ARHGAP24: variants seen among roughly 807,000 people sequenced by gnomAD.
ARHGAP24 encodes rho GTPase-activating protein 24.
A neutral mutation model predicts 76.4 loss-of-function variants in ARHGAP24; 50 were observed. That is an observed-to-expected ratio of 0.65 (90% CI 0.52 to 0.83). The LOEUF is 0.83. Ranked by LOEUF, ARHGAP24 falls within the 40% of genes least tolerant of loss-of-function variation. The pLI is 0.00. For synonymous variants in ARHGAP24, 345 were observed against 323.3 expected (o/e 1.07, Z -0.72); for missense variants, 930 against 914.2 (o/e 1.02, Z -0.22).
chr4:85,849,868 T>A (rs1201792252), intron 3 of ARHGAP24, among the ~76,000 whole-genome samples: 1 of 152,162 alleles, frequency 6.6e-6, no homozygotes, highest in Non-Finnish European at 1.5e-5. Flanking sequence ...TATGGAGGAT[T>A]TTTGCATCGA....
rs138056154 is a variant in ARHGAP24 at position 85,822,024 on chromosome 4, T to C, written c.268+100052T>C. Among the ~76,000 whole-genome samples the C allele has an allele frequency of 9.5e-3, 1,445 of 152,332 alleles. 27 individuals are homozygous for C. Among genetic ancestry groups the C allele is most frequent in the African/African-American group, 0.033 (1,353 of 41,586 alleles). On this transcript the variant is annotated intron_variant, in intron 3 of 9. Coordinates refer to ENST00000395184, the MANE Select transcript of ARHGAP24 (RefSeq NM_001025616.3). ...CTAGCTCAATAGTATCTGAGGAGCA[T>C]AGTGAACTTACAATTTCATTTGTGT... is the stretch of plus-strand genomic sequence containing the variant.
intron 3 of ARHGAP24, among the ~76,000 whole-genome samples, chr4:85,724,533 A>T (rs1725094712): frequency 7.5e-6 from 1 of 132,808 alleles, no homozygotes. Flanking sequence ...ATATATAGGA[A>T]TTTTTATTTT....
intron 2 of ARHGAP24, among the ~76,000 whole-genome samples, chr4:85,598,890 A>G (rs917730775): frequency 2.6e-5 from 4 of 151,634 alleles, no homozygotes; most frequent in Non-Finnish European, 5.9e-5. Context: ...CTAATTAAGA[A>G]TAAAATAGTT....
At chr4:85,613,400 T>C (rs1034570607) in intron 2 of ARHGAP24, among the ~76,000 whole-genome samples, 3 of 152,212 alleles carry the variant, frequency 2.0e-5, no homozygotes, top group Non-Finnish European at 4.4e-5. Flanking sequence ...ATTAAATGCC[T>C]ATTAGGTGTC....
intron 2 of ARHGAP24, among the ~76,000 whole-genome samples, chr4:85,579,627 A>G (rs1208863969): frequency 3.3e-5 from 5 of 151,926 alleles, no homozygotes. Context: ...TATCAATTAT[A>G]AACTATGAAA....
rs183382828 is a variant in ARHGAP24 at position 85,969,662 on chromosome 4, T to C, written c.600-2374T>C. Among the ~76,000 whole-genome samples, 329 of 152,232 alleles carry C rather than the reference T, an allele frequency of 2.2e-3. 2 individuals carry two copies. Among genetic ancestry groups the C allele is most frequent in the African/African-American group, 7.6e-3 (315 of 41,550 alleles). On this transcript the variant is annotated intron_variant, in intron 5 of 9. Transcript: ENST00000395184. ...CAAGCTGTGGTTTTTTTACTACTAATGACTGTCCCTTCATGGGGCAGATAT... is the reference window on the plus strand; with the variant it reads ...CAAGCTGTGGTTTTTTTACTACTAACGACTGTCCCTTCATGGGGCAGATAT...
At chr4:85,561,485 G>A (rs12500479) in intron 1 of ARHGAP24, among the ~76,000 whole-genome samples, 38,791 of 152,062 alleles carry the variant, frequency 0.26, 6,377 homozygotes, top group East Asian at 0.79. Flanking sequence ...GGGACAGAAA[G>A]TGAACTGAGA....
intron 2 of ARHGAP24, among the ~76,000 whole-genome samples, chr4:85,658,894 A>G (rs1192227150): frequency 1.3e-5 from 2 of 152,202 alleles, no homozygotes; most frequent in Non-Finnish European, 2.9e-5. Flanking sequence ...TGAGAGCAGC[A>G]GAGGTATAAG....
At chr4:85,657,691 A>G (rs1471606) in intron 2 of ARHGAP24, among the ~76,000 whole-genome samples, 54,650 of 152,104 alleles carry the variant, frequency 0.36, 10,861 homozygotes, top group East Asian at 0.84. Flanking sequence ...GTTTGGCAAA[A>G]TGCAAACATT....
At chr4:85,983,113 T>C (rs1257916719) in intron 8 of ARHGAP24, among the ~76,000 whole-genome samples, 4 of 152,222 alleles carry the variant, frequency 2.6e-5, no homozygotes, top group Non-Finnish European at 4.4e-5. Context: ...TTCCTTTTTA[T>C]GGCATGGCTG....
intron 3 of ARHGAP24, among the ~76,000 whole-genome samples, chr4:85,753,195 A>C (rs1203622557): frequency 1.3e-5 from 2 of 152,224 alleles, no homozygotes; most frequent in Non-Finnish European, 2.9e-5. Context: ...TTCGAGAATG[A>C]AAAATACAGA....
chr4:85,797,037 C>A (rs1373462728), intron 3 of ARHGAP24, among the ~76,000 whole-genome samples: 1 of 152,058 alleles, frequency 6.6e-6, no homozygotes, highest in African/African-American at 2.4e-5. Flanking sequence ...CAGGAGCCTG[C>A]GGAGCCAGCA....
chr4:85,859,597 T>C (rs1167011448), intron 3 of ARHGAP24, among the ~76,000 whole-genome samples: 2 of 152,118 alleles, frequency 1.3e-5, no homozygotes, highest in Admixed American at 1.3e-4. Context: ...TAATGTGATA[T>C]TTAGGTCTGA....
chr4:85,538,630 A>T (rs1725565666), intron 1 of ARHGAP24, among the ~76,000 whole-genome samples: 1 of 152,150 alleles, frequency 6.6e-6, no homozygotes. Flanking sequence ...CTACCTAAAA[A>T]TATTTTGAAC....
At chr4:85,628,225 C>G (rs1721037515) in intron 2 of ARHGAP24, among the ~76,000 whole-genome samples, 1 of 152,114 alleles carries the variant, frequency 6.6e-6, no homozygotes, top group Non-Finnish European at 1.5e-5. Flanking sequence ...GCTCCTCCCC[C>G]TTAATTTCTT....
intron 2 of ARHGAP24, among the ~76,000 whole-genome samples, chr4:85,670,406 C>T (rs1352469299): frequency 1.3e-5 from 2 of 152,172 alleles, no homozygotes; most frequent in African/African-American, 4.8e-5. Flanking sequence ...ACTCTTGAAT[C>T]ACCAATACTG....
chr4:85,505,323 C>T (rs1282310593), intron 1 of ARHGAP24, among the ~76,000 whole-genome samples: 2 of 152,192 alleles, frequency 1.3e-5, no homozygotes, highest in Non-Finnish European at 2.9e-5. Flanking sequence ...TGTTTTCCAA[C>T]TTGGTTCCAT....
At chr4:85,656,335 C>T (rs1722169374) in intron 2 of ARHGAP24, among the ~76,000 whole-genome samples, 1 of 152,152 alleles carries the variant, frequency 6.6e-6, no homozygotes, top group African/African-American at 2.4e-5. Flanking sequence ...CAACATTAAG[C>T]TGAAACATTT....
intron 1 of ARHGAP24, among the ~76,000 whole-genome samples, chr4:85,551,099 C>T (rs1726118831): frequency 6.6e-6 from 1 of 152,160 alleles, no homozygotes; most frequent in Non-Finnish European, 1.5e-5. Flanking sequence ...GCATCCCTGT[C>T]TTGTGCTGGT....
Sources: allele counts gnomAD v4.1 joint callset (sites outside exome capture counted in the v4.1 genomes callset), GRCh38; gene constraint gnomAD v4.1.1; transcripts MANE v1.5; gene names NCBI Gene and HGNC (gene_info 2026-07-23, HGNC 2026-07-21).